NEB: variants seen among roughly 807,000 people sequenced by gnomAD.
NEB encodes the protein nemaline myopathy type 2.
Under a neutral mutation model 952.2 loss-of-function variants are expected in NEB, and 512 were observed. That is an observed-to-expected ratio of 0.54 (90% CI 0.50 to 0.58). The LOEUF (loss-of-function observed/expected upper bound fraction) is 0.58. NEB is among the 20% of genes least tolerant of loss of function. The probability of loss-of-function intolerance (pLI) is 0.00; values close to 1 mark genes in which losing one functional copy is unlikely to be tolerated. For synonymous variants in NEB, 2,900 were observed against 3,149.8 expected, an observed-to-expected ratio of 0.92 and a Z score of 2.66; for missense variants, 8,428 against 9,231.1, an observed-to-expected ratio of 0.91 and a Z score of 3.56.
At chr2:151,506,352 C>CA (rs1025560113) in intron 163 of NEB, 94 bp from the exon 164 acceptor site, 3 of 918,874 alleles carry the variant, frequency 3.3e-6, no homozygotes, top group African/African-American at 3.3e-5. Flanking sequence ...TTTGTGAAAA[C>CA]AAGACACTAG....
At chr2:151,661,145 AT>A (rs2154165926) in intron 46 of NEB, among the ~76,000 whole-genome samples, 1 of 152,280 alleles carries the variant, frequency 6.6e-6, no homozygotes, top group South Asian at 2.1e-4. Flanking sequence ...CTTGATGGTC[AT>A]CAAGATGTCT....
chr2:151,626,261 C>T (rs567553899), intron 70 of NEB, among the ~76,000 whole-genome samples: 33 of 151,894 alleles, frequency 2.2e-4, no homozygotes, highest in Non-Finnish European at 4.1e-4. Flanking sequence ...ACTAGAGGTG[C>T]GTGTCACCAC....
chr2:151,727,855 G>C lies in NEB; in HGVS notation c.130C>G (p.Gln44Glu). Residue 44 changes from glutamine (Q) to glutamate (E), a missense_variant, in exon 5 of 182, where the codon CAA becomes GAA. Gln to Glu is a conservative substitution (Grantham distance 29). This residue lies in a region of NEB where 2,851 missense variants were observed against 2,791.5 expected (regional missense o/e 1.02). Transcript: ENST00000397345. ...TTTTRTSDYE[Q>E]SETSKPALAQ... is the part of the protein sequence containing the mutation. ...AGAGCTGGTTTGGAAGTTTCTGATTGCTCATAGTCAGATGTCCTTGTTGTC... is the reference window on the plus strand; with the variant it reads ...AGAGCTGGTTTGGAAGTTTCTGATTCCTCATAGTCAGATGTCCTTGTTGTC... 2 of 1,612,950 alleles carry C rather than the reference G, an allele frequency of 1.2e-6. No homozygotes were observed. Among genetic ancestry groups the C allele is most frequent in the Non-Finnish European group, 1.7e-6 (2 of 1,179,402 alleles).
intron 24 of NEB, 36 bp downstream of exon 24, chr2:151,690,691 T>G (rs2099541843): frequency 8.2e-6 from 12 of 1,457,262 alleles, no homozygotes; most frequent in Non-Finnish European, 1.1e-5. Flanking sequence ...CAAAGCACTC[T>G]GGGTCACCCA....
In NEB at chr2:151,570,480, T is replaced by G; in HGVS notation, c.17118+17A>C. ...GGCTGAAAAAAAAAAACTGAGAAGT[T>G]AAAAAAGGCCACTCACGTCACTGGC... On this transcript the variant is annotated intron_variant, in intron 108 of 181. Coordinates refer to ENST00000397345, the MANE Select transcript of NEB (RefSeq NM_001164508.2). The G allele has an allele frequency of 6.3e-7, 1 of 1,583,766 alleles. No homozygotes were observed.
At chr2:151,541,829 C>T (rs1323715453) in intron 135 of NEB, among the ~76,000 whole-genome samples, 1 of 152,174 alleles carries the variant, frequency 6.6e-6, no homozygotes, top group Non-Finnish European at 1.5e-5. Flanking sequence ...GTACCCTATT[C>T]CAGCAACTGT....
chr2:151,496,889 GA>G, intron 172 of NEB, 51 bp downstream of exon 172: 1 of 1,466,860 alleles, frequency 6.8e-7, no homozygotes, highest in Non-Finnish European at 9.3e-7. Context: ...TTTAAATCAT[GA>G]AATAGTTTTT....
intron 105 of NEB, among the ~76,000 whole-genome samples, 163 bp from the exon 106 acceptor site, chr2:151,576,517 T>TATATATATATATA (rs1491118589): frequency 2.4e-4 from 4 of 16,616 alleles, no homozygotes; most frequent in African/African-American, 4.8e-4. Context: ...TATATATATA[T>TATATATATATATA]TTTTTTTTTT....
chr2:151,687,246 A>ATGTT (rs2099509817), intron 27 of NEB, among the ~76,000 whole-genome samples, 173 bp downstream of exon 27: 1 of 152,160 alleles, frequency 6.6e-6, no homozygotes, highest in Non-Finnish European at 1.5e-5. Flanking sequence ...CTCCCCTCAA[A>ATGTT]TGTGGGAGGC....
intron 153 of NEB, among the ~76,000 whole-genome samples, chr2:151,523,089 AATG>A (rs1009720989): frequency 1.0e-3 from 152 of 152,314 alleles, no homozygotes; most frequent in African/African-American, 3.5e-3. Flanking sequence ...TTTAAATTAT[AATG>A]ATATGACCTT....
chr2:151,506,440 A>G, intron 163 of NEB, 182 bp from the exon 164 acceptor site: 1 of 567,556 alleles, frequency 1.8e-6, no homozygotes, highest in Non-Finnish European at 3.1e-6. Flanking sequence ...CCAGTTATAC[A>G]ACATGGATCT....
chr2:151,507,822 T>C (rs990829819), intron 162 of NEB, 183 bp downstream of exon 162: 5 of 574,284 alleles, frequency 8.7e-6, no homozygotes, highest in Non-Finnish European at 1.6e-5. Context: ...TCTTTCATGC[T>C]GTGATTTGGG....
intron 168 of NEB, chr2:151,499,617 T>C (rs537061302): frequency 2.9e-6 from 1 of 349,254 alleles, no homozygotes; most frequent in Non-Finnish European, 5.2e-6. Flanking sequence ...GTAACTTGAA[T>C]ATATTTATTT....
chr2:151,643,484 T>A (rs1459451851), intron 57 of NEB, 131 bp from the exon 58 acceptor site: 3 of 854,474 alleles, frequency 3.5e-6, no homozygotes, highest in Non-Finnish European at 5.1e-6. Flanking sequence ...ACTTGAATTA[T>A]TAGAAAATTC....
chr2:151,506,074 TG>T, intron 164 of NEB, 91 bp downstream of exon 164: 2 of 1,098,978 alleles, frequency 1.8e-6, no homozygotes, highest in Non-Finnish European at 2.8e-6. Flanking sequence ...AAGCTGTTTC[TG>T]GTGACAGAGG....
At chr2:151,503,790 TAATG>T (rs2066644206) in intron 165 of NEB, among the ~76,000 whole-genome samples, 1 of 152,192 alleles carries the variant, frequency 6.6e-6, no homozygotes, top group Admixed American at 6.5e-5. Flanking sequence ...GACTTGTACT[TAATG>T]AATAGATTGC....
At position 151,667,893 on chromosome 2, in the gene NEB, A is replaced by T. The variant is rs1559039667; in HGVS notation, c.4630T>A (p.Trp1544Arg). The change falls in exon 40 of 182, where the codon TGG becomes AGG. Residue 1544 changes from tryptophan (W) to arginine (R), a missense_variant. By Grantham distance (101) the Trp-to-Arg change is moderately radical. Coordinates refer to ENST00000397345, the MANE Select transcript of NEB (RefSeq NM_001164508.2). Reference sequence around the variant, plus strand: ...TAGCCCTTGGCAATGGTTTTCTTCCAATCTGCTTTATAATGAGCCTTCAAA... The same window carrying T: ...TAGCCCTTGGCAATGGTTTTCTTCCTATCTGCTTTATAATGAGCCTTCAAA... Reference protein sequence around the residue: ...NMSDAHYKADWKKTIAKGYDL... With the variant: ...NMSDAHYKADRKKTIAKGYDL... 6.2e-7 allele frequency: 1 copy of T among 1,612,002 alleles called. No homozygotes were observed. Among genetic ancestry groups the T allele is most frequent in the Admixed American group, 1.7e-5 (1 of 59,982 alleles).
intron 134 of NEB, 135 bp from the exon 135 acceptor site, chr2:151,546,133 G>A (rs760467162): frequency 9.9e-5 from 72 of 729,806 alleles, no homozygotes; most frequent in Non-Finnish European, 1.5e-4. Flanking sequence ...TCCCAGGCAG[G>A]AGCAAAAACA....
At chr2:151,663,497 T>C (rs1558975715) in intron 45 of NEB, 51 bp downstream of exon 45, 3 of 1,510,386 alleles carry the variant, frequency 2.0e-6, no homozygotes, top group Non-Finnish European at 2.7e-6. Flanking sequence ...TGGTCACTCA[T>C]GGTTGCTTAT....
Sources: allele counts gnomAD v4.1 joint callset (sites outside exome capture counted in the v4.1 genomes callset), GRCh38; gene constraint gnomAD v4.1.1; regional missense constraint gnomAD v4.1.1; transcripts MANE v1.5; gene names NCBI Gene and HGNC (gene_info 2026-07-23, HGNC 2026-07-21).